The following CLCN5 variants were observed in gnomAD, a reference collection of about 807,000 sequenced individuals.
CLCN5 encodes Cl-/H+ antiporter 5, also known as H(+)/Cl(-) exchange transporter 5.
Under a neutral mutation model 54.0 loss-of-function variants are expected in CLCN5, and 17 were observed. The observed-to-expected ratio is 0.31, with a 90% confidence interval of 0.22 to 0.47. CLCN5 has a LOEUF of 0.47. Among genes scored for constraint, CLCN5 ranks in the 20% least tolerant of loss-of-function variants. The pLI is 1.00. For synonymous variants in CLCN5, 222 were observed against 233.0 expected, an observed-to-expected ratio of 0.95 and a Z score of 0.43; for missense variants, 448 against 646.7, an observed-to-expected ratio of 0.69 and a Z score of 3.33.
chrX:49,946,391 G>A (rs955383294), intron 3 of CLCN5, among the ~76,000 whole-genome samples: 3 of 110,928 alleles, frequency 2.7e-5, no homozygotes, highest in African/African-American at 9.9e-5. Flanking sequence ...TCTCAGGCTC[G>A]GGGTTCTCTT....
chrX:50,004,287 G>A (rs1402643638), intron 3 of CLCN5, among the ~76,000 whole-genome samples: 3 of 112,034 alleles, frequency 2.7e-5, no homozygotes, highest in Non-Finnish European at 5.6e-5. Context: ...GCCCTAGTGA[G>A]GGGAGGCAGG....
At position 50,050,903 on chromosome X, in the gene CLCN5, C is replaced by T. The variant is rs113623797; in HGVS notation, c.163+8441C>T. Reference sequence around the variant, plus strand: ...GGTCTCCATCTCCTGACCTCGTGATCCGCCCACCTCGGCCTCCCAAAGTGC... The same window carrying T: ...GGTCTCCATCTCCTGACCTCGTGATTCGCCCACCTCGGCCTCCCAAAGTGC... On this transcript the variant is annotated intron_variant, in intron 4 of 14. Transcript: ENST00000376091. Among the ~76,000 whole-genome samples, 767 of 110,680 alleles carry T rather than the reference C, an allele frequency of 6.9e-3. 6 individuals carry two copies. Among genetic ancestry groups the T allele is most frequent in the African/African-American group, 0.024 (720 of 30,463 alleles).
At chrX:50,040,130 T>TAGAAGC (rs1932161737) in intron 3 of CLCN5, among the ~76,000 whole-genome samples, 1 of 112,411 alleles carries the variant, frequency 8.9e-6, no homozygotes, top group African/African-American at 3.2e-5. Context: ...CCTGGTTCCC[T>TAGAAGC]AGAAGCAGAA....
chrX:50,019,121 A>G (rs1557184008), intron 3 of CLCN5, among the ~76,000 whole-genome samples: 1 of 111,785 alleles, frequency 8.9e-6, no homozygotes, highest in Non-Finnish European at 1.9e-5. Flanking sequence ...TATTTAATAG[A>G]TACATGTCTT....
intron 4 of CLCN5, among the ~76,000 whole-genome samples, chrX:50,058,426 A>G (rs1403801522): frequency 9.2e-6 from 1 of 108,679 alleles, no homozygotes; most frequent in African/African-American, 3.3e-5. Context: ...TTCTCAACAG[A>G]TTTTTTTTTT....
chrX:50,019,476 T>C (rs1234518183), intron 3 of CLCN5, among the ~76,000 whole-genome samples: 11 of 93,959 alleles, frequency 1.2e-4, no homozygotes, highest in East Asian at 6.7e-4. Flanking sequence ...TTCTTTTTTT[T>C]TTTTTTTTTT....
intron 14 of CLCN5, 55 bp downstream of exon 14, chrX:50,090,941 ATAGAAAGAAG>A (rs1462454965): frequency 3.5e-5 from 36 of 1,023,578 alleles, no homozygotes; most frequent in Admixed American, 1.4e-4. Flanking sequence ...GAATGCAGAG[ATAGAAAGAAG>A]TAGAAAGAAG....
intron 3 of CLCN5, among the ~76,000 whole-genome samples, chrX:49,956,640 GACAGGTAAGGAC>G (rs200561290): frequency 0.06 from 6,624 of 111,252 alleles, 540 homozygotes; most frequent in African/African-American, 0.21. Flanking sequence ...TCAGATACGG[GACAGGTAAGGAC>G]ACATGTATGA....
At chrX:50,069,422 T>C (rs1179879957) in intron 4 of CLCN5, 17 of 609,557 alleles carry the variant, frequency 2.8e-5, no homozygotes, top group Non-Finnish European at 3.4e-5. Flanking sequence ...GAGGCCCACA[T>C]GCTTTATTTG....
chrX:50,025,827 C>G (rs935890251), intron 3 of CLCN5, among the ~76,000 whole-genome samples: 5 of 111,314 alleles, frequency 4.5e-5, no homozygotes, highest in Non-Finnish European at 9.4e-5. Flanking sequence ...TTTCAACGAG[C>G]CAGCTTTTGG....
intron 4 of CLCN5, among the ~76,000 whole-genome samples, chrX:50,067,133 A>G (rs1360481059): frequency 1.8e-5 from 2 of 111,281 alleles, no homozygotes. Flanking sequence ...TTACATTTGT[A>G]TTCTAAAATG....
At position 50,090,884 on chromosome X, in the gene CLCN5, C is replaced by T. The variant is rs782105613; in HGVS notation, c.2358C>T (p.Asn786=). The change falls in exon 14 of 15, where the codon AAC becomes AAT. Residue 786 remains asparagine (N), a splice_region_variant and synonymous_variant. Coordinates refer to ENST00000376091, the MANE Select transcript of CLCN5 (RefSeq NM_001127898.4). The part of the protein sequence containing the change: ...LGLRQCLVTH[N]GRLLGIITKK... ...TGCGGCAGTGCCTGGTTACACACAA[C>T]GGGTAAGAAGTCTTGAGTGAAGTCA... 9.2e-6 allele frequency: 11 copies of T among 1,196,921 alleles called. No individual in the cohort carries two copies. In the East Asian group the frequency reaches 1.8e-4, roughly 19 times the overall value.
At chrX:49,994,389 G>A (rs782266860) in intron 3 of CLCN5, among the ~76,000 whole-genome samples, 3 of 110,790 alleles carry the variant, frequency 2.7e-5, no homozygotes, top group Non-Finnish European at 5.7e-5. Flanking sequence ...CTTGAGGAAG[G>A]AAGAAGTGGC....
intron 4 of CLCN5, among the ~76,000 whole-genome samples, chrX:50,060,656 C>G (rs1382547219): frequency 8.9e-6 from 1 of 112,085 alleles, no homozygotes; most frequent in African/African-American, 3.2e-5. Flanking sequence ...GAGCCCACCA[C>G]AGCTCAAGGA....
Position 50,077,156 on chromosome X carries a change from A to C in CLCN5, c.603+1174A>C, listed in dbSNP as rs782512904. Among the ~76,000 whole-genome samples, 294 of 112,001 alleles carry C rather than the reference A, an allele frequency of 2.6e-3. 1 individual carries two copies. The highest frequency in any genetic ancestry group is 9.1e-3 in the African/African-American group (280 of 30,815). ...TACACAAATACAAACAGTCCAGGGA[A>C]AAGGAGGATAGAAAAAGAATAAAGA... is the stretch of plus-strand genomic sequence containing the variant. On this transcript the variant is annotated intron_variant, in intron 7 of 14. Coordinates refer to ENST00000376091, the MANE Select transcript of CLCN5 (RefSeq NM_001127898.4).
Position 50,090,481 on chromosome X carries a change from T to G in CLCN5, c.2110T>G (p.Phe704Val). 1 of 1,208,578 alleles carries G rather than the reference T, an allele frequency of 8.3e-7. No homozygotes were observed. The highest frequency in any genetic ancestry group is 1.1e-6 in the Non-Finnish European group (1 of 893,987). Residue 704 changes from phenylalanine (F) to valine (V), a missense_variant, in exon 13 of 15, where the codon TTT becomes GTT. This residue lies in a region of CLCN5 where 297 missense variants were observed against 470.4 expected (regional missense o/e 0.63). Coordinates refer to ENST00000376091, the MANE Select transcript of CLCN5 (RefSeq NM_001127898.4). The part of the protein sequence containing the change: ...VSRESQRLVG[F>V]VLRRDLIISI... ...CCGGGAGTCCCAAAGACTTGTGGGCTTTGTCCTCCGAAGAGATCTCATTAT... is the reference window on the plus strand; with the variant it reads ...CCGGGAGTCCCAAAGACTTGTGGGCGTTGTCCTCCGAAGAGATCTCATTAT...
intron 4 of CLCN5, among the ~76,000 whole-genome samples, chrX:50,054,886 C>T (rs372311502): frequency 5.7e-4 from 64 of 111,910 alleles, no homozygotes; most frequent in African/African-American, 1.9e-3. Flanking sequence ...AATATACTTT[C>T]GGCTCCACTT....
intron 3 of CLCN5, among the ~76,000 whole-genome samples, chrX:49,949,838 A>G (rs150247365): frequency 0.013 from 1,457 of 111,731 alleles, 17 homozygotes; most frequent in African/African-American, 0.044. Flanking sequence ...TTATTCCTTC[A>G]ATTTGGCTAT....
At position 50,081,724 on chromosome X, in the gene CLCN5, G is replaced by A. The variant is rs782243112; in HGVS notation, c.810G>A (p.Leu270=). The stretch of plus-strand genomic sequence containing the variant: ...TTATCAAAACCATCACCTTGGTGCT[G>A]GCAGTGTCATCTGGCTTGAGCCTGG... ...TLVIKTITLV[L]AVSSGLSLGK... The change falls in exon 9 of 15, where the codon CTG becomes CTA. Residue 270 remains leucine (L), a synonymous_variant. Coordinates refer to ENST00000376091, the MANE Select transcript of CLCN5 (RefSeq NM_001127898.4). The A allele has an allele frequency of 1.9e-5, 23 of 1,208,786 alleles. No individual in the cohort carries two copies. Among genetic ancestry groups the A allele is most frequent in the Middle Eastern group, 2.4e-4 (1 of 4,240 alleles).
Sources: gnomAD v4.1 joint callset for allele counts (sites outside exome capture counted in the v4.1 genomes callset) on GRCh38, gnomAD v4.1.1 for gene constraint, gnomAD v4.1.1 regional missense constraint, MANE v1.5 for transcripts, NCBI Gene and HGNC (gene_info 2026-07-23, HGNC 2026-07-21) for gene names.